PCDHGA10: variants seen among roughly 807,000 people sequenced by gnomAD.
PCDHGA10 encodes the protein protocadherin gamma-A10.
In PCDHGA10, 42 loss-of-function variants were observed where a neutral mutation model predicts 59.5. That is an observed-to-expected ratio of 0.71 (90% CI 0.55 to 0.91). The LOEUF is 0.91. Among genes scored for constraint, PCDHGA10 ranks in the 40% least tolerant of loss-of-function variants. PCDHGA10 has a pLI of 0.00. For missense variants in PCDHGA10, 1,111 were observed against 1,198.2 expected (o/e 0.93, Z 1.07); for synonymous variants, 511 against 517.2 (o/e 0.99, Z 0.16).
intron 1 of PCDHGA10, chr5:141,417,831 C>T: frequency 5.2e-6 from 8 of 1,526,966 alleles, no homozygotes; most frequent in Non-Finnish European, 7.1e-6. Flanking sequence ...ACTGGAAAAG[C>T]GGGGACCCAG....
intron 1 of PCDHGA10, chr5:141,430,569 G>A (rs1252716330): frequency 4.5e-6 from 2 of 439,930 alleles, no homozygotes; most frequent in African/African-American, 4.1e-5. Flanking sequence ...GGAGAGAAAA[G>A]CGGAGATCCT....
At position 141,491,201 on chromosome 5, in the gene PCDHGA10, C is replaced by T. The variant is rs752813291; in HGVS notation, c.2437-3606C>T. The T allele has an allele frequency of 3.7e-6, 6 of 1,614,226 alleles. No homozygotes were observed. The Admixed American group carries it at 5.0e-5, about 13-fold the overall frequency. On this transcript the variant is annotated intron_variant, in intron 1 of 3. Transcript: ENST00000398610. This position sits in a 1 kb window ranked among gnomAD's most constrained non-coding sequence, Gnocchi z 6.9. ...GTCCTGGTGAGGGACAATGGTGACCCTTCACTCTCCTCCACAGCCACAGTG... is the reference window on the plus strand; with the variant it reads ...GTCCTGGTGAGGGACAATGGTGACCTTTCACTCTCCTCCACAGCCACAGTG...
chr5:141,510,837 GTCAAGGCCCAGGGTGC>G, intron 3 of PCDHGA10, 94 bp from the exon 4 acceptor site: 1 of 1,586,392 alleles, frequency 6.3e-7, no homozygotes, highest in Non-Finnish European at 8.6e-7. Flanking sequence ...GCTCAGCGTG[GTCAAGGCCCAGGGTGC>G]TGTATAGGCA....
In PCDHGA10 at chr5:141,420,606, G is replaced by A. The variant is rs141099124; in HGVS notation, c.2436+4995G>A. On this transcript the variant is annotated intron_variant, in intron 1 of 3. Coordinates refer to ENST00000398610, the MANE Select transcript of PCDHGA10 (RefSeq NM_018913.3). Reference sequence around the variant, plus strand: ...CCTGATGCTACTCAATTTTTCTCAAGTATTTCATCTTCATTTACTCAATAA... The same window carrying A: ...CCTGATGCTACTCAATTTTTCTCAAATATTTCATCTTCATTTACTCAATAA... Among the ~76,000 whole-genome samples the A allele has an allele frequency of 2.7e-3, 411 of 152,256 alleles. 1 individual carries two copies. Among genetic ancestry groups the A allele is most frequent in the African/African-American group, 9.4e-3 (392 of 41,546 alleles).
intron 1 of PCDHGA10, chr5:141,424,468 C>A (rs1301878037): frequency 1.3e-5 from 2 of 152,072 alleles, no homozygotes; most frequent in South Asian, 2.1e-4. Context: ...TCCTTTTATT[C>A]TTTTACTTTG....
intron 1 of PCDHGA10, chr5:141,418,214 G>A: frequency 6.2e-7 from 1 of 1,614,064 alleles, no homozygotes; most frequent in Non-Finnish European, 8.5e-7. Flanking sequence ...TATTTTTCAT[G>A]TCATTGTGGT....
rs2099749632 is a variant in PCDHGA10, at chr5:141,493,698, C to T, written c.2437-1109C>T. The stretch of plus-strand genomic sequence containing the variant: ...AGAATGGTGCTGGTGACTCCCGATA[C>T]ACCTGGAATGCTAGGTTTCTGGGTT... On this transcript the variant is annotated intron_variant, in intron 1 of 3. Transcript: ENST00000398610. This position sits in a 1 kb window ranked among gnomAD's most constrained non-coding sequence, Gnocchi z 4.3. Among the ~76,000 whole-genome samples the T allele has an allele frequency of 6.6e-6, 1 of 152,208 alleles. No individual in the cohort carries two copies. Among genetic ancestry groups the T allele is most frequent in the Non-Finnish European group, 1.5e-5 (1 of 68,034 alleles).
At chr5:141,434,136 TC>T (rs2097674430) in intron 1 of PCDHGA10, among the ~76,000 whole-genome samples, 1 of 152,246 alleles carries the variant, frequency 6.6e-6, no homozygotes, top group Non-Finnish European at 1.5e-5. Context: ...TAGGCTGATT[TC>T]TATGTCCTTT....
intron 1 of PCDHGA10, among the ~76,000 whole-genome samples, chr5:141,442,726 C>A (rs1160438073): frequency 2.6e-5 from 4 of 152,060 alleles, no homozygotes; most frequent in Non-Finnish European, 5.9e-5. Context: ...GCATTTGGGG[C>A]CTGTAGGTAA....
At position 141,413,190 on chromosome 5, in the gene PCDHGA10, G is replaced by A. The variant is rs965319802; in HGVS notation, c.15G>A (p.Arg5=). The A allele has an allele frequency of 6.8e-6, 11 of 1,607,556 alleles. No homozygotes were observed. Among genetic ancestry groups the A allele is most frequent in the East Asian group, 2.2e-5 (1 of 44,716 alleles). Residue 5 remains arginine, a synonymous_variant, in exon 1 of 4, where the codon AGG becomes AGA. Transcript: ENST00000398610. ...ACCAGACTACAATGGCCGCTCAAAG[G>A]AATCGCTCAAAGGAATCAAAGGATT... MAAQ[R]NRSKESKDCS... is the part of the protein sequence containing the mutation.
chr5:141,413,400 G>T lies in PCDHGA10; in HGVS notation c.225G>T (p.Arg75Ser). ...GAGTCCGCATAGTCTCCAGAGGTAG[G>T]ACGCAGCTTTTCTCTCTGAACCCGC... Reference protein sequence around the residue: ...ERGVRIVSRGRTQLFSLNPRS... With the variant: ...ERGVRIVSRGSTQLFSLNPRS... The change falls in exon 1 of 4, where the codon AGG becomes AGT. Residue 75 changes from arginine (R) to serine (S), a missense_variant. Arg to Ser is a moderately radical substitution (Grantham distance 110). Transcript: ENST00000398610. The T allele has an allele frequency of 6.2e-7, 1 of 1,614,060 alleles. No homozygotes were observed.
rs368512862 is a variant in PCDHGA10 at position 141,491,734 on chromosome 5, G to T, written c.2437-3073G>T. ...CTCGGCGCCGCCCCGGGCGACCCCT[G>T]GGGGCGGCACTGGAGAAGCCGCCCG... On this transcript the variant is annotated intron_variant, in intron 1 of 3. Transcript: ENST00000398610. The surrounding 1 kb of genome is among the most constrained non-coding windows in gnomAD (Gnocchi z 6.9). 2.5e-4 allele frequency: 403 copies of T among 1,602,056 alleles called. No individual in the cohort carries two copies. Among genetic ancestry groups the T allele is most frequent in the Non-Finnish European group, 3.2e-4 (380 of 1,174,948 alleles).
In PCDHGA10 at chr5:141,487,522, T is replaced by C. The variant is rs764726787; in HGVS notation, c.2437-7285T>C. 2 of 1,614,166 alleles carry C rather than the reference T, an allele frequency of 1.2e-6. No individual in the cohort carries two copies. The highest frequency in any genetic ancestry group is 1.7e-6 in the Non-Finnish European group (2 of 1,180,022). ...TGGCTTCTGCACCCACTCGGAGTGATAGCTTCATGATGGTGAAGTCACCCA... is the reference window on the plus strand; with the variant it reads ...TGGCTTCTGCACCCACTCGGAGTGACAGCTTCATGATGGTGAAGTCACCCA... On this transcript the variant is annotated intron_variant, in intron 1 of 3. Coordinates refer to ENST00000398610, the MANE Select transcript of PCDHGA10 (RefSeq NM_018913.3). This position sits in a 1 kb window ranked among gnomAD's most constrained non-coding sequence, Gnocchi z 5.0.
At chr5:141,453,495 C>T (rs1490576605) in intron 1 of PCDHGA10, among the ~76,000 whole-genome samples, 1 of 151,968 alleles carries the variant, frequency 6.6e-6, no homozygotes, top group Admixed American at 6.6e-5. Flanking sequence ...AAAAGGTGTA[C>T]TCAGAAAATT....
At chr5:141,470,900 G>A (rs1454085317) in intron 1 of PCDHGA10, among the ~76,000 whole-genome samples, 4 of 151,832 alleles carry the variant, frequency 2.6e-5, no homozygotes, top group African/African-American at 9.7e-5. Context: ...GTTTTTTGTA[G>A]AGATGGGACT....
In PCDHGA10 at chr5:141,487,818, G is replaced by A. The variant is rs1009237001; in HGVS notation, c.2437-6989G>A. On this transcript the variant is annotated intron_variant, in intron 1 of 3. Coordinates refer to ENST00000398610, the MANE Select transcript of PCDHGA10 (RefSeq NM_018913.3). This position sits in a 1 kb window ranked among gnomAD's most constrained non-coding sequence, Gnocchi z 5.0. ...GAGTTGTCACAGTTTAGCATTGGGG[G>A]CGGGTCATGCCTATATCTGAGTAAG... The A allele has an allele frequency of 1.2e-4, 158 of 1,331,596 alleles. No homozygotes were observed. The highest frequency in any genetic ancestry group is 1.4e-4 in the Non-Finnish European group (140 of 970,524). 82.5% of individuals were successfully genotyped at this position (1,331,596 alleles called of 1,614,324 possible). A position where few individuals can be genotyped will look rare whatever the true frequency, so the allele number is the denominator to read the frequency against.
At chr5:141,478,236 TCA>T in intron 1 of PCDHGA10, 3 of 1,614,156 alleles carry the variant, frequency 1.9e-6, no homozygotes, top group Non-Finnish European at 2.5e-6. Flanking sequence ...GGGTTTGTGG[TCA>T]CAGTGTTCGG....
rs534187376 is a variant in PCDHGA10 at position 141,512,974 on chromosome 5, A to G, written c.*1801A>G. ...AAAATAATAAAACGTTTCTTCTGAA[A>G]AGCTGAACGTTTCTGTATAAGCGAT... is the stretch of plus-strand genomic sequence containing the variant. On this transcript the variant is annotated 3_prime_UTR_variant, in exon 4 of 4. Transcript: ENST00000398610. The G allele has an allele frequency of 6.6e-6, 1 of 152,362 alleles. No individual in the cohort carries two copies. Among genetic ancestry groups the G allele is most frequent in the South Asian group, 2.1e-4 (1 of 4,826 alleles). The allele number at this position is 152,362 out of a possible 1,614,324, so 9.4% of individuals were successfully genotyped here. A position where few individuals can be genotyped will look rare whatever the true frequency, so the allele number is the denominator to read the frequency against.
chr5:141,477,656 C>A lies in PCDHGA10; in HGVS notation c.2437-17151C>A. ...AGTGGGTCGCTATTTCACAATAAAT[C>A]GTGACAATGGCATAGTGTCATCCTT... On this transcript the variant is annotated intron_variant, in intron 1 of 3. Transcript: ENST00000398610. The surrounding 1 kb of genome is among the most constrained non-coding windows in gnomAD (Gnocchi z 4.9). 1 of 1,614,184 alleles carries A rather than the reference C, an allele frequency of 6.2e-7. No homozygotes were observed.
Sources: gnomAD v4.1 joint callset for allele counts (sites outside exome capture counted in the v4.1 genomes callset) on GRCh38, gnomAD v4.1.1 for gene constraint, Gnocchi (gnomAD v3.1) non-coding constraint, MANE v1.5 for transcripts, NCBI Gene and HGNC (gene_info 2026-07-23, HGNC 2026-07-21) for gene names.